GRM3: variants seen among roughly 807,000 people sequenced by gnomAD.
The protein encoded by GRM3 is glutamate metabotropic receptor 3.
GRM3 carries 26 observed loss-of-function variants against 70.5 expected under a neutral mutation model. That is an observed-to-expected ratio of 0.37 (90% CI 0.27 to 0.51). The LOEUF is 0.51. Among genes scored for constraint, GRM3 ranks in the 20% least tolerant of loss-of-function variants. The probability of loss-of-function intolerance (pLI) is 0.93; values close to 1 mark genes in which losing one functional copy is unlikely to be tolerated. For synonymous variants in GRM3, 443 were observed against 434.9 expected (o/e 1.02, Z -0.23); for missense variants, 859 against 1,123.8 (o/e 0.76, Z 3.37).
At chr7:86,770,275 T>G (rs1226932673) in intron 2 of GRM3, among the ~76,000 whole-genome samples, 1 of 152,116 alleles carries the variant, frequency 6.6e-6, no homozygotes, top group Admixed American at 6.6e-5. Flanking sequence ...AAATGAAGAT[T>G]TGGCTTAGAT....
chr7:86,842,711 C>T (rs977952190), intron 4 of GRM3, among the ~76,000 whole-genome samples: 2 of 152,094 alleles, frequency 1.3e-5, no homozygotes, highest in African/African-American at 4.8e-5. Flanking sequence ...AAACATAAGG[C>T]ATGATTCCAG....
At chr7:86,762,970 A>C (rs1796516489) in intron 1 of GRM3, among the ~76,000 whole-genome samples, 1 of 152,128 alleles carries the variant, frequency 6.6e-6, no homozygotes, top group South Asian at 2.1e-4. Context: ...ACAAGATCAT[A>C]AAGCACTGAG....
At chr7:86,778,418 T>C (rs1338633343) in intron 2 of GRM3, among the ~76,000 whole-genome samples, 1 of 152,208 alleles carries the variant, frequency 6.6e-6, no homozygotes, top group Non-Finnish European at 1.5e-5. Flanking sequence ...TACCAGATTC[T>C]ACATGTCCAC....
intron 3 of GRM3, among the ~76,000 whole-genome samples, chr7:86,821,563 G>A (rs1307153223): frequency 6.6e-6 from 1 of 152,104 alleles, no homozygotes; most frequent in African/African-American, 2.4e-5. Context: ...AAATGAAGTG[G>A]ACAGTACATG....
rs1348491906 is a variant in GRM3, at chr7:86,830,122, T to G, written c.1325-8717T>G. 2.0e-5 allele frequency among the ~76,000 whole-genome samples: 3 copies of G among 151,898 alleles called. No individual in the cohort carries two copies. The South Asian group carries it at 6.6e-4, about 34-fold the overall frequency. ...TTCTCAATAGAAGTATCTGTGACTC[T>G]CTGCCAGAGAGCTTTGTCTGGTCAG... On this transcript the variant is annotated intron_variant, in intron 3 of 5. Transcript: ENST00000361669.
intron 1 of GRM3, among the ~76,000 whole-genome samples, chr7:86,748,265 G>C (rs565624184): frequency 6.6e-6 from 1 of 152,038 alleles, no homozygotes; most frequent in East Asian, 1.9e-4. Flanking sequence ...ATCCACACTA[G>C]TACCCTTGAC....
At chr7:86,645,341 G>A (rs1038567522) in intron 1 of GRM3, among the ~76,000 whole-genome samples, 1 of 152,224 alleles carries the variant, frequency 6.6e-6, no homozygotes, top group African/African-American at 2.4e-5. Flanking sequence ...GGTCCATGCA[G>A]CCCAGATAAG....
intron 1 of GRM3, among the ~76,000 whole-genome samples, chr7:86,709,393 A>T: frequency 6.6e-6 from 1 of 152,062 alleles, no homozygotes; most frequent in East Asian, 1.9e-4. Context: ...ATCTTATAGG[A>T]GGCTGCTTCT....
At chr7:86,797,986 G>T (rs1797592957) in intron 3 of GRM3, among the ~76,000 whole-genome samples, 1 of 152,136 alleles carries the variant, frequency 6.6e-6, no homozygotes, top group South Asian at 2.1e-4. Flanking sequence ...CATGATGTTG[G>T]GCCTGCATGT....
intron 1 of GRM3, among the ~76,000 whole-genome samples, chr7:86,682,548 T>C (rs141676306): frequency 5.5e-4 from 84 of 152,306 alleles, no homozygotes; most frequent in South Asian, 2.9e-3. Flanking sequence ...ATTTTTTGTT[T>C]GGAGATAATT....
At chr7:86,650,090 A>G (rs1793568983) in intron 1 of GRM3, among the ~76,000 whole-genome samples, 1 of 152,144 alleles carries the variant, frequency 6.6e-6, no homozygotes, top group South Asian at 2.1e-4. Context: ...AGGTGACAAA[A>G]CTAATAATAA....
chr7:86,758,812 G>A (rs189971174), intron 1 of GRM3, among the ~76,000 whole-genome samples: 1 of 152,198 alleles, frequency 6.6e-6, no homozygotes, highest in African/African-American at 2.4e-5. Flanking sequence ...TTTTGGTCAA[G>A]GTCGAATAGT....
chr7:86,842,901 A>G (rs1465335856), intron 4 of GRM3, among the ~76,000 whole-genome samples: 1 of 152,078 alleles, frequency 6.6e-6, no homozygotes, highest in African/African-American at 2.4e-5. Context: ...TGAAGATGGG[A>G]TTTTTACCCC....
At chr7:86,713,322 A>T (rs1795241820) in intron 1 of GRM3, among the ~76,000 whole-genome samples, 1 of 151,956 alleles carries the variant, frequency 6.6e-6, no homozygotes, top group South Asian at 2.1e-4. Flanking sequence ...TTAAAGTCAG[A>T]TTATGTTTTT....
intron 2 of GRM3, among the ~76,000 whole-genome samples, chr7:86,771,823 C>T (rs1796749147): frequency 6.6e-6 from 1 of 152,058 alleles, no homozygotes; most frequent in Admixed American, 6.6e-5. Context: ...TCTAGATATA[C>T]ATAAACAGAA....
chr7:86,659,373 C>T (rs1793834779), intron 1 of GRM3, among the ~76,000 whole-genome samples: 1 of 152,126 alleles, frequency 6.6e-6, no homozygotes, highest in African/African-American at 2.4e-5. Context: ...ATTTAATCTT[C>T]ATGGTAGCCC....
At chr7:86,794,611 G>T (rs1797505335) in intron 3 of GRM3, among the ~76,000 whole-genome samples, 1 of 152,146 alleles carries the variant, frequency 6.6e-6, no homozygotes, top group Non-Finnish European at 1.5e-5. Context: ...ATTTTCACCT[G>T]CCTCTTACCA....
At chr7:86,648,562 C>T (rs555078655) in intron 1 of GRM3, among the ~76,000 whole-genome samples, 1 of 152,120 alleles carries the variant, frequency 6.6e-6, no homozygotes, top group South Asian at 2.1e-4. Flanking sequence ...GGCAGTAGCC[C>T]CTTTATACTG....
At chr7:86,722,670 G>C (rs1795498894) in intron 1 of GRM3, among the ~76,000 whole-genome samples, 1 of 151,806 alleles carries the variant, frequency 6.6e-6, no homozygotes, top group Non-Finnish European at 1.5e-5. Context: ...CGGGTTGATG[G>C]GTGCAGCAAA....
Sources: gnomAD v4.1 joint callset for allele counts (sites outside exome capture counted in the v4.1 genomes callset) on GRCh38, gnomAD v4.1.1 for gene constraint, MANE v1.5 for transcripts, NCBI Gene and HGNC (gene_info 2026-07-23, HGNC 2026-07-21) for gene names.